The following PLB1 variants were observed in gnomAD, a reference collection of about 807,000 sequenced individuals.
PLB1 encodes the protein phospholipase B1, membrane-associated.
In PLB1, 242 loss-of-function variants were observed where a neutral mutation model predicts 227.4. That is an observed-to-expected ratio of 1.06 (90% CI 0.96 to 1.18). The LOEUF is 1.18. PLB1 is among the 50% of genes most tolerant of loss of function. The probability of loss-of-function intolerance (pLI) is 0.00; values close to 1 mark genes in which losing one functional copy is unlikely to be tolerated. For synonymous variants in PLB1, 757 were observed against 682.2 expected, an observed-to-expected ratio of 1.11 and a Z score of -1.71; for missense variants, 1,858 against 1,816.3, an observed-to-expected ratio of 1.02 and a Z score of -0.42.
intron 5 of PLB1, 134 bp from the exon 6 acceptor site, chr2:28,525,771 C>G: frequency 8.9e-7 from 1 of 1,117,444 alleles, no homozygotes; most frequent in Non-Finnish European, 1.3e-6. Flanking sequence ...CCTATAACCC[C>G]TGGGAGGATA....
At chr2:28,512,262 G>A (rs1668370533) in intron 1 of PLB1, among the ~76,000 whole-genome samples, 3 of 152,030 alleles carry the variant, frequency 2.0e-5, no homozygotes, top group Non-Finnish European at 2.9e-5. Context: ...TCTCAAGCCT[G>A]CTACTGAGCC....
At chr2:28,578,735 G>A (rs1679421464) in intron 22 of PLB1, among the ~76,000 whole-genome samples, 1 of 152,146 alleles carries the variant, frequency 6.6e-6, no homozygotes, top group Admixed American at 6.5e-5. Context: ...GGGTTTCTAG[G>A]TGGGTAAAAT....
At chr2:28,561,613 G>T (rs1676065064) in intron 17 of PLB1, among the ~76,000 whole-genome samples, 2 of 152,350 alleles carry the variant, frequency 1.3e-5, no homozygotes, top group Admixed American at 1.3e-4. Context: ...TGAAGTGGTT[G>T]GGCTCTGTAG....
Position 28,623,644 on chromosome 2 carries a change from A to C in PLB1, c.3528-1413A>C, listed in dbSNP as rs933590849. ...GTACCTAGCTTACCGTGGCCACCCA[A>C]AGATTTTCAGTGGCCAGCTCGCACT... On this transcript the variant is annotated intron_variant, in intron 49 of 57. Coordinates refer to ENST00000327757, the MANE Select transcript of PLB1 (RefSeq NM_153021.5). Among the ~76,000 whole-genome samples, 10 of 152,150 alleles carry C rather than the reference A, an allele frequency of 6.6e-5. No homozygotes were observed. In the South Asian group the frequency reaches 1.7e-3, roughly 25 times the overall value.
chr2:28,616,618 A>G (rs760452931), intron 44 of PLB1, among the ~76,000 whole-genome samples: 10 of 152,214 alleles, frequency 6.6e-5, no homozygotes, highest in African/African-American at 1.9e-4. Context: ...TGGTTCACCA[A>G]CTATCTGAGA....
At position 28,524,021 on chromosome 2, in the gene PLB1, C is replaced by G. The variant is rs568721894; in HGVS notation, c.244-1246C>G. On this transcript the variant is annotated intron_variant, in intron 4 of 57. Transcript: ENST00000327757. ...TTATCTCCTGTCTCTTATTGAGGAG[C>G]AAAGGACGCTGTCTCCAATTAGTGA... Among the ~76,000 whole-genome samples the G allele has an allele frequency of 2.6e-5, 4 of 152,312 alleles. No individual in the cohort carries two copies. In the South Asian group the frequency reaches 8.3e-4, roughly 32 times the overall value.
intron 6 of PLB1, 147 bp downstream of exon 6, chr2:28,526,092 T>TC: frequency 1.1e-6 from 1 of 893,298 alleles, no homozygotes; most frequent in Middle Eastern, 2.3e-4. Flanking sequence ...AGAGGACAGA[T>TC]CAGGAAGCCA....
chr2:28,571,664 C>T (rs571768263), intron 20 of PLB1, among the ~76,000 whole-genome samples: 2 of 152,258 alleles, frequency 1.3e-5, no homozygotes, highest in South Asian at 4.1e-4. Flanking sequence ...AACTCATTTT[C>T]AGCAAGGATG....
chr2:28,626,535 A>G (rs1687809659), intron 51 of PLB1, 27 bp downstream of exon 51: 1 of 1,598,140 alleles, frequency 6.3e-7, no homozygotes, highest in Admixed American at 1.7e-5. Flanking sequence ...CCCCATGGGG[A>G]CCTGAGAAGG....
chr2:28,607,999 A>G (rs1024735068), intron 43 of PLB1, among the ~76,000 whole-genome samples: 2 of 152,154 alleles, frequency 1.3e-5, no homozygotes, highest in Admixed American at 1.3e-4. Context: ...CGAGGCAACC[A>G]CTTCCAGGCT....
intron 28 of PLB1, 22 bp from the exon 29 acceptor site, chr2:28,589,983 A>G (rs374302962): frequency 1.2e-6 from 2 of 1,607,132 alleles, no homozygotes; most frequent in Non-Finnish European, 8.5e-7. Context: ...CTCACTCCCC[A>G]TCTCCCTGCT....
chr2:28,585,913 G>C, intron 26 of PLB1, 71 bp downstream of exon 26: 1 of 1,389,370 alleles, frequency 7.2e-7, no homozygotes, highest in African/African-American at 1.4e-5. Flanking sequence ...TAGAGAACAA[G>C]TCAGTGCTTA....
At chr2:28,497,690 T>G (rs1666618478) in intron 1 of PLB1, among the ~76,000 whole-genome samples, 1 of 152,070 alleles carries the variant, frequency 6.6e-6, no homozygotes, top group African/African-American at 2.4e-5. Flanking sequence ...TTATCATATG[T>G]GGTCCCACCG....
intron 1 of PLB1, among the ~76,000 whole-genome samples, chr2:28,507,793 G>A (rs1485629310): frequency 6.6e-6 from 1 of 152,196 alleles, no homozygotes; most frequent in East Asian, 1.9e-4. Flanking sequence ...AGACAGGAGG[G>A]TGCACTGGTC....
chr2:28,557,995 G>C (rs1039524938), intron 17 of PLB1, among the ~76,000 whole-genome samples: 2 of 152,302 alleles, frequency 1.3e-5, no homozygotes, highest in East Asian at 3.9e-4. Flanking sequence ...CTCTTGCTGA[G>C]ATTCCTTCAG....
rs536476788 is a variant in PLB1 at position 28,554,489 on chromosome 2, CT to C, written c.1147+1527del. Among the ~76,000 whole-genome samples, 99 of 85,420 alleles carry C rather than the reference CT, an allele frequency of 1.2e-3. 1 individual carries two copies. Among genetic ancestry groups the C allele is most frequent in the African/African-American group, 3.5e-3 (66 of 18,738 alleles). The allele number at this position is 85,420 out of a possible 152,430, so 56.0% of individuals were successfully genotyped here. On this transcript the variant is annotated intron_variant, in intron 17 of 57. Transcript: ENST00000327757. The stretch of plus-strand genomic sequence containing the variant: ...CTACAGGCATTATCACCACACCTGC[CT>C]TTTTTTTTTTTTTTTTTTTTTTTTT...
intron 16 of PLB1, among the ~76,000 whole-genome samples, chr2:28,550,845 A>T (rs1374638991): frequency 6.6e-6 from 1 of 152,030 alleles, no homozygotes; most frequent in Non-Finnish European, 1.5e-5. Context: ...CAGCCATTCC[A>T]TGTGGTTCTT....
At chr2:28,628,063 C>T (rs1558954582) in intron 51 of PLB1, among the ~76,000 whole-genome samples, 1 of 152,236 alleles carries the variant, frequency 6.6e-6, no homozygotes, top group Admixed American at 6.5e-5. Context: ...CTAAATCAGC[C>T]TCCTACTGGG....
rs72850408 is a variant in PLB1 at position 28,586,535 on chromosome 2, A to T, written c.1815+693A>T. ...GCCTTTCTTCTAGACTAGGCTGCAA[A>T]CAGCTACCAGAGTGGATCCATCCTT... On this transcript the variant is annotated intron_variant, in intron 26 of 57. Coordinates refer to ENST00000327757, the MANE Select transcript of PLB1 (RefSeq NM_153021.5). Among the ~76,000 whole-genome samples the T allele has an allele frequency of 5.6e-3, 859 of 152,198 alleles. 5 individuals are homozygous for T. The highest frequency in any genetic ancestry group is 0.019 in the African/African-American group (806 of 41,540).
Sources: gnomAD v4.1 joint callset for allele counts (sites outside exome capture counted in the v4.1 genomes callset) on GRCh38, gnomAD v4.1.1 for gene constraint, MANE v1.5 for transcripts, NCBI Gene and HGNC (gene_info 2026-07-23, HGNC 2026-07-21) for gene names.